The following KANK1 variants were observed in gnomAD, a reference collection of about 807,000 sequenced individuals.
The protein encoded by KANK1 is KN motif and ankyrin repeat domains 1.
KANK1 carries 109 observed loss-of-function variants against 106.2 expected under a neutral mutation model. The ratio of observed to expected loss-of-function variants is 1.03; its 90% CI spans 0.88 to 1.20. The LOEUF (loss-of-function observed/expected upper bound fraction) is 1.20. Among genes scored for constraint, KANK1 ranks in the 50% most tolerant of loss-of-function variants. The pLI is 0.00. For synonymous variants in KANK1, 873 were observed against 652.2 expected (o/e 1.34, Z -5.16); for missense variants, 2,399 against 1,710.7 (o/e 1.40, Z -7.10).
chr9:638,339 G>T (rs1390634284), intron 1 of KANK1, among the ~76,000 whole-genome samples: 2 of 152,172 alleles, frequency 1.3e-5, no homozygotes, highest in Admixed American at 6.5e-5. Flanking sequence ...GAGCTGGAGT[G>T]TCACTTGAAT....
intron 7 of KANK1, among the ~76,000 whole-genome samples, chr9:736,526 G>T (rs1323560473): frequency 1.3e-5 from 2 of 151,856 alleles, no homozygotes; most frequent in African/African-American, 4.8e-5. Flanking sequence ...TGGGCAACAT[G>T]GCAAAACCCT....
chr9:475,420 A>C (rs1024186336), intron 3 of KANK1, among the ~76,000 whole-genome samples: 3 of 152,120 alleles, frequency 2.0e-5, no homozygotes, highest in African/African-American at 7.2e-5. Flanking sequence ...TGTGCACTTG[A>C]TCTCACAAGG....
At chr9:671,343 G>A (rs1845855640) in intron 1 of KANK1, among the ~76,000 whole-genome samples, 1 of 151,882 alleles carries the variant, frequency 6.6e-6, no homozygotes, top group Non-Finnish European at 1.5e-5. Context: ...ATTCTGTGCA[G>A]TCTAGAAAAG....
At chr9:742,759 T>A (rs547398706) in intron 10 of KANK1, among the ~76,000 whole-genome samples, 1 of 152,148 alleles carries the variant, frequency 6.6e-6, no homozygotes, top group Non-Finnish European at 1.5e-5. Context: ...ACAGGTGCAC[T>A]TGGAAATCTG....
chr9:657,679 C>G (rs968292302), intron 1 of KANK1, among the ~76,000 whole-genome samples: 2 of 152,016 alleles, frequency 1.3e-5, no homozygotes, highest in African/African-American at 4.8e-5. Context: ...TTTCCCATAA[C>G]CATTTTCAGG....
At chr9:495,505 C>T (rs1472036687) in intron 3 of KANK1, 2 of 151,964 alleles carry the variant, frequency 1.3e-5, no homozygotes, top group African/African-American at 4.8e-5. Flanking sequence ...GTGTTGAGGA[C>T]CACTAGGTAA....
intron 1 of KANK1, among the ~76,000 whole-genome samples, chr9:545,093 G>A (rs2060850477): frequency 6.6e-6 from 1 of 151,894 alleles, no homozygotes; most frequent in Admixed American, 6.6e-5. Context: ...TGATTGAATG[G>A]GGAGAGGCAA....
intron 1 of KANK1, among the ~76,000 whole-genome samples, chr9:664,416 C>A (rs1198893938): frequency 2.0e-5 from 3 of 152,090 alleles, no homozygotes; most frequent in African/African-American, 7.2e-5. Context: ...CTTTTTATGG[C>A]TGGATAATAT....
intron 3 of KANK1, among the ~76,000 whole-genome samples, chr9:724,256 T>C (rs1830107752): frequency 6.6e-6 from 1 of 152,172 alleles, no homozygotes; most frequent in African/African-American, 2.4e-5. Context: ...ATGAAAATGA[T>C]TGAATCTCTA....
At chr9:532,203 TAC>T (rs1424634958) in intron 1 of KANK1, among the ~76,000 whole-genome samples, 2 of 150,592 alleles carry the variant, frequency 1.3e-5, no homozygotes, top group Non-Finnish European at 2.9e-5. Context: ...AGCATTCGTG[TAC>T]AGAGATTTAA....
chr9:672,497 A>C (rs2138671085), intron 1 of KANK1, among the ~76,000 whole-genome samples: 1 of 152,334 alleles, frequency 6.6e-6, no homozygotes, highest in Middle Eastern at 3.4e-3. Flanking sequence ...TTTATATTTC[A>C]ATAACTAATA....
chr9:484,112 A>C (rs1166925553), intron 3 of KANK1, among the ~76,000 whole-genome samples: 2 of 152,172 alleles, frequency 1.3e-5, no homozygotes, highest in East Asian at 3.8e-4. Context: ...CTGCTTCTGC[A>C]CTTGTGAGCT....
intron 1 of KANK1, among the ~76,000 whole-genome samples, chr9:580,316 C>T (rs928249874): frequency 3.9e-5 from 6 of 152,050 alleles, no homozygotes; most frequent in Middle Eastern, 3.2e-3. Flanking sequence ...GCAGCGCGGA[C>T]CCGAAGAGTG....
At chr9:511,076 A>G (rs2059008992) in intron 1 of KANK1, among the ~76,000 whole-genome samples, 1 of 152,160 alleles carries the variant, frequency 6.6e-6, no homozygotes, top group African/African-American at 2.4e-5. Context: ...AAAATGTTAG[A>G]AATACTCAAT....
chr9:553,298 CTAA>C (rs560244901), intron 1 of KANK1, among the ~76,000 whole-genome samples: 2 of 152,164 alleles, frequency 1.3e-5, no homozygotes, highest in African/African-American at 2.4e-5. Context: ...ATTATCTTAG[CTAA>C]TAATGATAAA....
At chr9:744,469 G>A (rs773716982) in intron 10 of KANK1, 22 bp from the exon 11 acceptor site, 4 of 1,607,344 alleles carry the variant, frequency 2.5e-6, no homozygotes, top group East Asian at 4.5e-5. Flanking sequence ...AACATGGCTT[G>A]TTCTTTCCAT....
intron 1 of KANK1, chr9:548,988 C>G (rs760061782): frequency 1.3e-5 from 2 of 151,818 alleles, no homozygotes; most frequent in Non-Finnish European, 2.9e-5. Context: ...ATGGTCTGGT[C>G]AAAGAACTAT....
At chr9:562,419 G>T (rs1350092515) in intron 1 of KANK1, among the ~76,000 whole-genome samples, 1 of 152,158 alleles carries the variant, frequency 6.6e-6, no homozygotes, top group Admixed American at 6.5e-5. Flanking sequence ...AGATGGGAAC[G>T]GACAAAAAGC....
chr9:655,977 T>A (rs1362880168), intron 1 of KANK1, among the ~76,000 whole-genome samples: 1 of 152,196 alleles, frequency 6.6e-6, no homozygotes, highest in Non-Finnish European at 1.5e-5. Context: ...GCTTCCTCCT[T>A]GCCTCAGACC....
Sources: gnomAD v4.1 joint callset for allele counts (sites outside exome capture counted in the v4.1 genomes callset) on GRCh38, gnomAD v4.1.1 for gene constraint, MANE v1.5 for transcripts, NCBI Gene and HGNC (gene_info 2026-07-23, HGNC 2026-07-21) for gene names.